Variants in NEK10 observed in about 807,000 individuals in gnomAD.
NEK10 encodes the protein serine/threonine-protein kinase Nek10.
In NEK10, 122 loss-of-function variants were observed where a neutral mutation model predicts 159.8. That is an observed-to-expected ratio of 0.76 (90% CI 0.66 to 0.89). The LOEUF (loss-of-function observed/expected upper bound fraction) is 0.89, where lower values mean the gene tolerates loss of function less well. NEK10 is among the 40% of genes least tolerant of loss of function. NEK10 has a pLI of 0.00. For missense variants in NEK10, 1,342 were observed against 1,323.1 expected (o/e 1.01, Z -0.22); for synonymous variants, 466 against 457.1 (o/e 1.02, Z -0.25).
At chr3:27,193,899 C>T (rs1949341112) in intron 25 of NEK10, among the ~76,000 whole-genome samples, 1 of 152,120 alleles carries the variant, frequency 6.6e-6, no homozygotes, top group Admixed American at 6.5e-5. Context: ...GATCTCCCAG[C>T]ATATACAATG....
At chr3:27,252,313 C>A in intron 23 of NEK10, 1 of 443,216 alleles carries the variant, frequency 2.3e-6, no homozygotes, top group South Asian at 1.6e-5. Context: ...GGCATTTAAG[C>A]AAAGAGCAGA....
chr3:27,285,292 C>G (rs754143111), intron 20 of NEK10, among the ~76,000 whole-genome samples: 2 of 152,122 alleles, frequency 1.3e-5, no homozygotes, highest in Non-Finnish European at 2.9e-5. Flanking sequence ...GATCTCCAGT[C>G]ATGGAGGATT....
chr3:27,285,773 T>A (rs2042547864), intron 20 of NEK10, among the ~76,000 whole-genome samples: 1 of 152,200 alleles, frequency 6.6e-6, no homozygotes, highest in Non-Finnish European at 1.5e-5. Context: ...AAAAATGGAA[T>A]CATGTTCTGT....
chr3:27,160,417 C>G (rs2148806541), intron 30 of NEK10, among the ~76,000 whole-genome samples: 1 of 152,284 alleles, frequency 6.6e-6, no homozygotes. Flanking sequence ...TGACTTGCAA[C>G]ACTTAAAAGG....
Position 27,221,586 on chromosome 3 carries a change from G to A in NEK10, c.2091-19029C>T, listed in dbSNP as rs994226227. Reference sequence around the variant, plus strand: ...TTAAACATAGAATTACCATATTGAGGAGTATGGCTGCAGGCCAAAATCCTA... The same window carrying A: ...TTAAACATAGAATTACCATATTGAGAAGTATGGCTGCAGGCCAAAATCCTA... On this transcript the variant is annotated intron_variant, in intron 23 of 35. Transcript: ENST00000691995. Among the ~76,000 whole-genome samples, 3 of 152,332 alleles carry A rather than the reference G, an allele frequency of 2.0e-5. No homozygotes were observed. The Middle Eastern group carries it at 0.01, about 518-fold the overall frequency.
At chr3:27,169,492 T>C (rs905919665) in intron 29 of NEK10, among the ~76,000 whole-genome samples, 1 of 152,176 alleles carries the variant, frequency 6.6e-6, no homozygotes, top group Non-Finnish European at 1.5e-5. Flanking sequence ...ATACACCCTG[T>C]TGATAAGTTT....
intron 24 of NEK10, 47 bp downstream of exon 24, chr3:27,202,381 T>G: frequency 6.5e-7 from 1 of 1,538,632 alleles, no homozygotes; most frequent in Non-Finnish European, 8.8e-7. Context: ...GAAAAAGAAT[T>G]GCATTTTTAG....
chr3:27,133,402 A>G (rs1942832840), intron 31 of NEK10, among the ~76,000 whole-genome samples: 2 of 152,250 alleles, frequency 1.3e-5, no homozygotes, highest in South Asian at 4.1e-4. Context: ...CATCCCAAAT[A>G]TAGTAGAATG....
chr3:27,258,388 A>C (rs1956445882), intron 22 of NEK10, among the ~76,000 whole-genome samples: 1 of 101,758 alleles, frequency 9.8e-6, no homozygotes, highest in Non-Finnish European at 1.9e-5. Context: ...ACCCCACAAC[A>C]GGCCCTGGTG....
rs3036447 is a variant in NEK10 at position 27,335,339 on chromosome 3, C to CA, written c.362+8932dup. 7.9e-3 allele frequency among the ~76,000 whole-genome samples: 778 copies of CA among 98,324 alleles called. 8 individuals are homozygous for CA. The highest frequency in any genetic ancestry group is 0.01 in the South Asian group (31 of 2,960). 64.5% of individuals were successfully genotyped at this position (98,324 alleles called of 152,430 possible). On this transcript the variant is annotated intron_variant, in intron 5 of 35. Transcript: ENST00000691995. Reference sequence around the variant, plus strand: ...TAGGTGACAGAGTGAAACTCTGTCTCAAAAAAAAAAAAAAGAACCAAATAA... The same window carrying CA: ...TAGGTGACAGAGTGAAACTCTGTCTCAAAAAAAAAAAAAAAGAACCAAATAA...
chr3:27,183,503 T>C (rs1948333327), intron 26 of NEK10, among the ~76,000 whole-genome samples: 1 of 151,864 alleles, frequency 6.6e-6, no homozygotes, highest in South Asian at 2.1e-4. Flanking sequence ...AATCTTATTT[T>C]TGCAACCTTA....
chr3:27,219,541 T>C (rs1349869916), intron 23 of NEK10, among the ~76,000 whole-genome samples: 1 of 152,264 alleles, frequency 6.6e-6, no homozygotes, highest in East Asian at 1.9e-4. Flanking sequence ...GAAAATGACA[T>C]CTGGTTTCAT....
chr3:27,221,116 G>C (rs111251780), intron 23 of NEK10, among the ~76,000 whole-genome samples: 1,750 of 152,196 alleles, frequency 0.011, 9 homozygotes, highest in South Asian at 0.021. Flanking sequence ...ATTACACAAT[G>C]GTTTCCTAGA....
chr3:27,277,319 C>T (rs2041844156), intron 22 of NEK10, among the ~76,000 whole-genome samples: 1 of 152,122 alleles, frequency 6.6e-6, no homozygotes, highest in South Asian at 2.1e-4. Context: ...AACTAAATAT[C>T]CTCATGGTTT....
intron 32 of NEK10, among the ~76,000 whole-genome samples, chr3:27,121,012 C>T (rs993661797): frequency 6.6e-6 from 1 of 152,152 alleles, no homozygotes; most frequent in Non-Finnish European, 1.5e-5. Flanking sequence ...CTTGAGAAAA[C>T]TATTTGCAAT....
intron 22 of NEK10, among the ~76,000 whole-genome samples, chr3:27,264,695 C>T (rs2040731153): frequency 6.6e-6 from 1 of 152,044 alleles, no homozygotes; most frequent in South Asian, 2.1e-4. Context: ...AGTTTGAGAC[C>T]ACCCTGGCCA....
rs147586444 is a variant in NEK10 at position 27,119,802 on chromosome 3, G to A, written c.3148C>T (p.Arg1050Cys). The change falls in exon 33 of 36, where the codon CGT (arginine) becomes TGT (cysteine). Residue 1050 changes from arginine to cysteine, a missense_variant. Physicochemically the swap from Arg to Cys is radical, Grantham distance 180 (BLOSUM62 -3). Coordinates refer to ENST00000691995, the MANE Select transcript of NEK10 (RefSeq NM_001394966.1). Reference protein sequence around the residue: ...FFTADYHLLHRSSGGNSLSPN... With the variant: ...FFTADYHLLHCSSGGNSLSPN... ...GACAGGCTGTTTCCACCGGATGAAC[G>A]ATGTAATAAATGGTAATCTGCTGTG... 15 of 1,613,940 alleles carry A rather than the reference G, an allele frequency of 9.3e-6. No homozygotes were observed. The African/African-American group carries it at 1.6e-4, about 17-fold the overall frequency.
chr3:27,136,518 C>T (rs1483841385), intron 31 of NEK10, among the ~76,000 whole-genome samples: 1 of 152,148 alleles, frequency 6.6e-6, no homozygotes, highest in Non-Finnish European at 1.5e-5. Context: ...CTTCACTGGG[C>T]TGTGCAGGTG....
intron 3 of NEK10, among the ~76,000 whole-genome samples, chr3:27,350,800 T>A (rs1222620182): frequency 2.6e-5 from 4 of 152,174 alleles, no homozygotes; most frequent in Non-Finnish European, 5.9e-5. Context: ...CCAGTCAGCA[T>A]AAACTTCAAA....
Sources: allele counts gnomAD v4.1 joint callset (sites outside exome capture counted in the v4.1 genomes callset), GRCh38; gene constraint gnomAD v4.1.1; transcripts MANE v1.5; gene names NCBI Gene and HGNC (gene_info 2026-07-23, HGNC 2026-07-21).